ABHD6: variants seen among roughly 807,000 people sequenced by gnomAD.
ABHD6 encodes the protein abhydrolase domain containing 6, acylglycerol lipase.
A neutral mutation model predicts 38.8 loss-of-function variants in ABHD6; 33 were observed. The observed-to-expected ratio is 0.85, with a 90% CI of 0.64 to 1.14. The LOEUF (loss-of-function observed/expected upper bound fraction) is 1.14, where lower values mean the gene tolerates loss of function less well. Among genes scored for constraint, ABHD6 ranks in the 50% most tolerant of loss-of-function variants. The probability of loss-of-function intolerance (pLI) is 0.00; values close to 1 mark genes in which losing one functional copy is unlikely to be tolerated. For synonymous variants in ABHD6, 147 were observed against 161.6 expected (o/e 0.91, Z 0.69); for missense variants, 380 against 422.6 (o/e 0.90, Z 0.88).
At chr3:58,250,690 C>A (rs2097429318) in intron 2 of ABHD6, among the ~76,000 whole-genome samples, 1 of 152,042 alleles carries the variant, frequency 6.6e-6, no homozygotes, top group Admixed American at 6.6e-5. Context: ...AAATGTTGAA[C>A]CCAACTGGGA....
At chr3:58,290,820 T>C (rs1262629287) in intron 9 of ABHD6, among the ~76,000 whole-genome samples, 2 of 142,982 alleles carry the variant, frequency 1.4e-5, no homozygotes, top group African/African-American at 5.3e-5. Context: ...CTAGATGGGA[T>C]GGCGGCCGGG....
Position 58,281,406 on chromosome 3 carries a change from C to T in ABHD6, c.682-3679C>T, listed in dbSNP as rs2097453133. Among the ~76,000 whole-genome samples, 3 of 152,320 alleles carry T rather than the reference C, an allele frequency of 2.0e-5. No individual in the cohort carries two copies. The South Asian group carries it at 6.2e-4, about 32-fold the overall frequency. On this transcript the variant is annotated intron_variant, in intron 7 of 9. Coordinates refer to ENST00000478253, the MANE Select transcript of ABHD6 (RefSeq NM_001320126.2). ...TGGGCCTGGGACCCACCGAGCCAGG[C>T]ACGGGAGAGAATCTTCTTGTCTGCC...
intron 6 of ABHD6, among the ~76,000 whole-genome samples, chr3:58,271,346 AAG>A (rs201329925): frequency 6.8e-6 from 1 of 147,934 alleles, no homozygotes; most frequent in Non-Finnish European, 1.5e-5. Context: ...AAAAAAAAAA[AAG>A]GAATGTTTGA....
chr3:58,287,531 A>T lies in ABHD6; in HGVS notation c.837+2078A>T, dbSNP rs2097458400. Among the ~76,000 whole-genome samples the T allele has an allele frequency of 6.6e-6, 1 of 152,180 alleles. No individual in the cohort carries two copies. The highest frequency in any genetic ancestry group is 2.1e-4 in the South Asian group (1 of 4,836). ...TCACAGCATGGTTTTGTGGACGTGG[A>T]GAGAAGGGGATCTCATGTGCTCTCT... is the stretch of plus-strand genomic sequence containing the variant. On this transcript the variant is annotated intron_variant, in intron 9 of 9. Coordinates refer to ENST00000478253, the MANE Select transcript of ABHD6 (RefSeq NM_001320126.2). This position sits in a 1 kb window ranked among gnomAD's most constrained non-coding sequence, Gnocchi z 4.7.
rs2097446397 is a variant in ABHD6 at position 58,273,376 on chromosome 3, A to AC, written c.524-1278dup. Among the ~76,000 whole-genome samples, 1 of 152,072 alleles carries AC rather than the reference A, an allele frequency of 6.6e-6. No homozygotes were observed. The highest frequency in any genetic ancestry group is 1.9e-4 in the East Asian group (1 of 5,180). On this transcript the variant is annotated intron_variant, in intron 6 of 9. Transcript: ENST00000478253. The surrounding 1 kb of genome is among the most constrained non-coding windows in gnomAD (Gnocchi z 4.8). ...GGAGTTCAAGACCAGCCTAAGGGAGACCCCATCTCTGCAAAAATATAAAAT... is the reference window on the plus strand; with the variant it reads ...GGAGTTCAAGACCAGCCTAAGGGAGACCCCCATCTCTGCAAAAATATAAAAT...
chr3:58,269,466 G>C lies in ABHD6; in HGVS notation c.390+32G>C. The C allele has an allele frequency of 6.5e-7, 1 of 1,536,688 alleles. No homozygotes were observed. The highest frequency in any genetic ancestry group is 9.0e-7 in the Non-Finnish European group (1 of 1,112,794). On this transcript the variant is annotated intron_variant, in intron 5 of 9. Transcript: ENST00000478253. This position sits in a 1 kb window ranked among gnomAD's most constrained non-coding sequence, Gnocchi z 4.4. ...AGGAGGCTCTACCAAAGATTGCCCA[G>C]ACTGTCTCAGCCACCATTACATGTC...
At chr3:58,281,855 C>G (rs761579835) in intron 7 of ABHD6, among the ~76,000 whole-genome samples, 6 of 152,134 alleles carry the variant, frequency 3.9e-5, no homozygotes, top group African/African-American at 1.2e-4. Flanking sequence ...GTGGTTCATG[C>G]CTGTAATCCT....
chr3:58,285,793 C>T lies in ABHD6; in HGVS notation c.837+340C>T, dbSNP rs1411808403. 6.6e-6 allele frequency among the ~76,000 whole-genome samples: 1 copy of T among 152,206 alleles called. No individual in the cohort carries two copies. The highest frequency in any genetic ancestry group is 1.5e-5 in the Non-Finnish European group (1 of 68,028). On this transcript the variant is annotated intron_variant, in intron 9 of 9. Transcript: ENST00000478253. This position sits in a 1 kb window ranked among gnomAD's most constrained non-coding sequence, Gnocchi z 4.9. ...TTTTTCGCATCCCAAATTCCATTCT[C>T]CATTACCATGAGGCAACTCTTATCT...
chr3:58,257,164 C>G lies in ABHD6; in HGVS notation c.119+459C>G, dbSNP rs2097433962. On this transcript the variant is annotated intron_variant, in intron 3 of 9. Transcript: ENST00000478253. This position sits in a 1 kb window ranked among gnomAD's most constrained non-coding sequence, Gnocchi z 4.8. ...CTCAAGTGATCTTCCCATCTTGCCT[C>G]TCTAAGTGCTGGGATTACAGGCATG... 6.6e-6 allele frequency among the ~76,000 whole-genome samples: 1 copy of G among 152,058 alleles called. No homozygotes were observed. The highest frequency in any genetic ancestry group is 6.5e-5 in the Admixed American group (1 of 15,268).
rs1156453363 is a variant in ABHD6, at chr3:58,267,654, ACT to A, written c.276+312_276+313del. On this transcript the variant is annotated intron_variant, in intron 4 of 9. Coordinates refer to ENST00000478253, the MANE Select transcript of ABHD6 (RefSeq NM_001320126.2). The surrounding 1 kb of genome is among the most constrained non-coding windows in gnomAD (Gnocchi z 4.3). ...CACTTAGCCTGGGCAACAGAATAAG[ACT>A]CTGTCTCAAAAAAAATAAAAATAAA... Among the ~76,000 whole-genome samples the A allele has an allele frequency of 1.3e-5, 2 of 151,866 alleles. No individual in the cohort carries two copies. The highest frequency in any genetic ancestry group is 2.4e-5 in the African/African-American group (1 of 41,314).
At chr3:58,261,256 AAT>A (rs2097436728) in intron 3 of ABHD6, among the ~76,000 whole-genome samples, 1 of 152,202 alleles carries the variant, frequency 6.6e-6, no homozygotes, top group African/African-American at 2.4e-5. Context: ...AAATAATAAT[AAT>A]CTGACATTGT....
Position 58,293,890 on chromosome 3 carries a change from C to G in ABHD6, c.*125C>G. On this transcript the variant is annotated 3_prime_UTR_variant, in exon 10 of 10. Transcript: ENST00000478253. This position sits in a 1 kb window ranked among gnomAD's most constrained non-coding sequence, Gnocchi z 4.4. The stretch of plus-strand genomic sequence containing the variant: ...GAGCGCCAGTGACCCTGAGGAAGCC[C>G]GTCCCTTATCCCTGGTATCCACGGT... 18 of 1,068,604 alleles carry G rather than the reference C, an allele frequency of 1.7e-5. No individual in the cohort carries two copies. The highest frequency in any genetic ancestry group is 2.4e-5 in the Non-Finnish European group (18 of 760,162). The allele number at this position is 1,068,604 out of a possible 1,614,324, so 66.2% of individuals were successfully genotyped here. A position where few individuals can be genotyped will look rare whatever the true frequency, so the allele number is the denominator to read the frequency against.
At position 58,273,425 on chromosome 3, in the gene ABHD6, C is replaced by T. The variant is rs1473081479; in HGVS notation, c.524-1233C>T. Reference sequence around the variant, plus strand: ...ATTAAAAAAAAATCTAACATTCACACATATGTTTATTGCAGCACTATTTAC... The same window carrying T: ...ATTAAAAAAAAATCTAACATTCACATATATGTTTATTGCAGCACTATTTAC... On this transcript the variant is annotated intron_variant, in intron 6 of 9. Transcript: ENST00000478253. The surrounding 1 kb of genome is among the most constrained non-coding windows in gnomAD (Gnocchi z 4.8). Among the ~76,000 whole-genome samples, 1 of 152,098 alleles carries T rather than the reference C, an allele frequency of 6.6e-6. No homozygotes were observed. The highest frequency in any genetic ancestry group is 1.5e-5 in the Non-Finnish European group (1 of 68,024).
Position 58,256,173 on chromosome 3 carries a change from C to T in ABHD6, c.-25-389C>T, listed in dbSNP as rs2107436179. Among the ~76,000 whole-genome samples, 1 of 151,928 alleles carries T rather than the reference C, an allele frequency of 6.6e-6. No homozygotes were observed. Among genetic ancestry groups the T allele is most frequent in the East Asian group, 1.9e-4 (1 of 5,184 alleles). On this transcript the variant is annotated intron_variant, in intron 2 of 9. Coordinates refer to ENST00000478253, the MANE Select transcript of ABHD6 (RefSeq NM_001320126.2). The surrounding 1 kb of genome is among the most constrained non-coding windows in gnomAD (Gnocchi z 4.3). ...GAGTAGCAGATACCATTATACTTCACCCCTTACAACTTCAGCAAACATCTC... is the reference window on the plus strand; with the variant it reads ...GAGTAGCAGATACCATTATACTTCATCCCTTACAACTTCAGCAAACATCTC...
At chr3:58,261,842 T>C (rs1027712365) in intron 3 of ABHD6, among the ~76,000 whole-genome samples, 2 of 152,198 alleles carry the variant, frequency 1.3e-5, no homozygotes, top group African/African-American at 2.4e-5. Context: ...ATTCTACTTA[T>C]GAGTGTAAAT....
chr3:58,275,167 G>A (rs1409798281), intron 7 of ABHD6, among the ~76,000 whole-genome samples: 3 of 152,096 alleles, frequency 2.0e-5, no homozygotes, highest in African/African-American at 7.2e-5. Flanking sequence ...TCTAGGGACA[G>A]CATATGCAGA....
rs149135893 is a variant in ABHD6 at position 58,263,974 on chromosome 3, G to GT, written c.120-3207dup. 0.12 allele frequency among the ~76,000 whole-genome samples: 17,991 copies of GT among 151,666 alleles called. 1,348 individuals carry two copies. The highest frequency in any genetic ancestry group is 0.21 in the African/African-American group (8,491 of 41,332). On this transcript the variant is annotated intron_variant, in intron 3 of 9. Transcript: ENST00000478253. This position sits in a 1 kb window ranked among gnomAD's most constrained non-coding sequence, Gnocchi z 4.9. ...CCACTTCATCTGTGTATACTTAACA[G>GT]TTTTTTTTAACAGAATTGGAATCAA...
Position 58,285,292 on chromosome 3 carries a change from C to T in ABHD6, c.737-61C>T. On this transcript the variant is annotated intron_variant, in intron 8 of 9. Transcript: ENST00000478253. The surrounding 1 kb of genome is among the most constrained non-coding windows in gnomAD (Gnocchi z 4.9). ...TGGATCTGGTGACTATCCCTTGATTCTGCGGTGGTGCCACAGGCACAGTCC... is the reference window on the plus strand; with the variant it reads ...TGGATCTGGTGACTATCCCTTGATTTTGCGGTGGTGCCACAGGCACAGTCC... 1 of 1,567,160 alleles carries T rather than the reference C, an allele frequency of 6.4e-7. No individual in the cohort carries two copies. The highest frequency in any genetic ancestry group is 2.2e-5 in the East Asian group (1 of 44,598).
At chr3:58,246,067 A>T (rs189611792) in intron 1 of ABHD6, among the ~76,000 whole-genome samples, 2 of 152,320 alleles carry the variant, frequency 1.3e-5, no homozygotes, top group Admixed American at 6.5e-5. Flanking sequence ...GACCTGGCTG[A>T]TGACAGTTAC....
Sources: allele counts gnomAD v4.1 joint callset (sites outside exome capture counted in the v4.1 genomes callset), GRCh38; gene constraint gnomAD v4.1.1; non-coding constraint Gnocchi (gnomAD v3.1); transcripts MANE v1.5; gene names NCBI Gene and HGNC (gene_info 2026-07-23, HGNC 2026-07-21).